FAM135B: variants seen among roughly 807,000 people sequenced by gnomAD.
The protein encoded by FAM135B is family with sequence similarity 135 member B.
In FAM135B, 43 loss-of-function variants were observed where a neutral mutation model predicts 127.7. That is an observed-to-expected ratio of 0.34 (90% confidence interval 0.26 to 0.43). FAM135B has a LOEUF of 0.43. Ranked by LOEUF, FAM135B falls within the 20% of genes least tolerant of loss-of-function variation. The probability of loss-of-function intolerance (pLI) is 1.00; values close to 1 mark genes in which losing one functional copy is unlikely to be tolerated. For synonymous variants in FAM135B, 670 were observed against 665.1 expected (o/e 1.01, Z -0.11); for missense variants, 1,558 against 1,725.6 (o/e 0.90, Z 1.72).
chr8:138,432,787 C>T (rs1029473822), intron 1 of FAM135B, among the ~76,000 whole-genome samples: 24 of 152,094 alleles, frequency 1.6e-4, no homozygotes, highest in African/African-American at 5.3e-4. Flanking sequence ...AGAGTGAACA[C>T]ACAGTACATT....
intron 2 of FAM135B, among the ~76,000 whole-genome samples, chr8:138,345,298 G>A (rs1025380074): frequency 6.6e-6 from 1 of 152,174 alleles, no homozygotes; most frequent in African/African-American, 2.4e-5. Flanking sequence ...CATGGGGGAG[G>A]CTCCTCAAAC....
chr8:138,420,245 C>A (rs1587408244), intron 1 of FAM135B, among the ~76,000 whole-genome samples: 1 of 151,784 alleles, frequency 6.6e-6, no homozygotes. Context: ...AACTAGAAAA[C>A]CTACAAGAAA....
Position 138,214,909 on chromosome 8 carries a change from C to T in FAM135B, c.670-17240G>A, listed in dbSNP as rs180917461. 1.6e-3 allele frequency among the ~76,000 whole-genome samples: 242 copies of T among 152,182 alleles called. 1 individual carries two copies. The highest frequency in any genetic ancestry group is 5.6e-3 in the African/African-American group (234 of 41,524). On this transcript the variant is annotated intron_variant, in intron 7 of 19. Coordinates refer to ENST00000395297, the MANE Select transcript of FAM135B (RefSeq NM_015912.4). ...AATAAGTAAGTTGGGAGTCTGTGCA[C>T]TGTCTGGATAAGAAGGAATTAGGAC...
chr8:138,166,705 A>G (rs964159845), intron 12 of FAM135B, among the ~76,000 whole-genome samples: 1 of 152,224 alleles, frequency 6.6e-6, no homozygotes, highest in Non-Finnish European at 1.5e-5. Flanking sequence ...TCTGAGATAT[A>G]CATACATTTA....
intron 1 of FAM135B, among the ~76,000 whole-genome samples, chr8:138,461,847 T>C (rs1351378453): frequency 6.6e-6 from 1 of 152,210 alleles, no homozygotes; most frequent in African/African-American, 2.4e-5. Context: ...TCAAAAATGC[T>C]GATCTTCTCT....
At position 138,310,777 on chromosome 8, in the gene FAM135B, C is replaced by T. The variant is rs933502018; in HGVS notation, c.157+64G>A. 2.3e-5 allele frequency: 33 copies of T among 1,450,234 alleles called. No homozygotes were observed. In the East Asian group the frequency reaches 2.5e-4, roughly 11 times the overall value. The allele number at this position is 1,450,234 out of a possible 1,614,324, so 89.8% of individuals were successfully genotyped here. On this transcript the variant is annotated intron_variant, in intron 3 of 19. Coordinates refer to ENST00000395297, the MANE Select transcript of FAM135B (RefSeq NM_015912.4). The stretch of plus-strand genomic sequence containing the variant: ...TGCCTTGCACTCTGCTGTGCCCTGG[C>T]GAGCAGTGACAAAGGGAGGTTCGCC...
At chr8:138,307,007 G>A (rs1826312397) in intron 3 of FAM135B, among the ~76,000 whole-genome samples, 4 of 152,216 alleles carry the variant, frequency 2.6e-5, no homozygotes, top group South Asian at 4.2e-4. Flanking sequence ...ATCGTCCATC[G>A]ATGTCCATCT....
At chr8:138,136,210 T>C (rs1381446934) in intron 19 of FAM135B, among the ~76,000 whole-genome samples, 4 of 152,110 alleles carry the variant, frequency 2.6e-5, no homozygotes, top group Non-Finnish European at 4.4e-5. Flanking sequence ...AGGGAAAATT[T>C]GGAATAGACC....
intron 1 of FAM135B, among the ~76,000 whole-genome samples, chr8:138,488,626 G>C (rs903196321): frequency 3.9e-5 from 6 of 151,938 alleles, no homozygotes; most frequent in African/African-American, 1.5e-4. Context: ...CAGATAGTGT[G>C]CGTTTTTGTT....
rs553199929 is a variant in FAM135B at position 138,151,857 on chromosome 8, A to G, written c.2618T>C (p.Val873Ala). ...PDGRTENTPG[V>A]ETKGLNLKIP... The stretch of plus-strand genomic sequence containing the variant: ...TTTTAAATTAAGACCTTTGGTTTCA[A>G]CACCTGGAGTGTTCTCAGTCCTGCC... Residue 873 changes from valine (V) to alanine (A), a missense_variant, in exon 13 of 20, where the codon GTT (valine) becomes GCT (alanine). Around this residue, in one of 5 missense-constraint regions of FAM135B, gnomAD observed 923 missense variants for 865.3 expected, o/e 1.07. Coordinates refer to ENST00000395297, the MANE Select transcript of FAM135B (RefSeq NM_015912.4). The G allele has an allele frequency of 6.2e-7, 1 of 1,614,028 alleles. No individual in the cohort carries two copies. The highest frequency in any genetic ancestry group is 1.3e-5 in the African/African-American group (1 of 75,034).
chr8:138,138,431 C>T (rs1308169772), intron 18 of FAM135B, among the ~76,000 whole-genome samples: 2 of 152,212 alleles, frequency 1.3e-5, no homozygotes, highest in Admixed American at 6.5e-5. Context: ...CTGCTCCACT[C>T]GCCGACTGGA....
intron 11 of FAM135B, among the ~76,000 whole-genome samples, chr8:138,176,869 C>T (rs1054175063): frequency 6.6e-6 from 1 of 152,198 alleles, no homozygotes; most frequent in Non-Finnish European, 1.5e-5. Context: ...CTCTCACTGC[C>T]TTGAGTACCT....
At chr8:138,485,201 T>C (rs1255871205) in intron 1 of FAM135B, among the ~76,000 whole-genome samples, 1 of 152,246 alleles carries the variant, frequency 6.6e-6, no homozygotes, top group Non-Finnish European at 1.5e-5. Flanking sequence ...TTCGATTTTC[T>C]TTTATGACTC....
At chr8:138,309,620 A>G (rs1363319572) in intron 3 of FAM135B, among the ~76,000 whole-genome samples, 3 of 152,134 alleles carry the variant, frequency 2.0e-5, no homozygotes, top group African/African-American at 7.2e-5. Flanking sequence ...GCAGACCACC[A>G]CATCTACTTT....
chr8:138,266,914 A>G (rs1181824216), intron 3 of FAM135B, among the ~76,000 whole-genome samples: 1 of 152,154 alleles, frequency 6.6e-6, no homozygotes, highest in Non-Finnish European at 1.5e-5. Flanking sequence ...GGGAACAACT[A>G]TATGGCATTT....
At chr8:138,198,446 G>A (rs1489162265) in intron 7 of FAM135B, among the ~76,000 whole-genome samples, 1 of 152,208 alleles carries the variant, frequency 6.6e-6, no homozygotes, top group East Asian at 1.9e-4. Context: ...ACAGGTGGCT[G>A]TGGGCTCCTT....
intron 1 of FAM135B, among the ~76,000 whole-genome samples, chr8:138,488,016 A>C (rs1047425693): frequency 2.6e-5 from 4 of 151,780 alleles, no homozygotes; most frequent in Non-Finnish European, 2.9e-5. Flanking sequence ...AAAAAACAAA[A>C]AAAAAAGACG....
At chr8:138,431,069 C>T (rs1056953166) in intron 1 of FAM135B, among the ~76,000 whole-genome samples, 12 of 152,256 alleles carry the variant, frequency 7.9e-5, no homozygotes, top group Non-Finnish European at 4.4e-5. Context: ...ATGAAATTTA[C>T]ATAGAGACAA....
At chr8:138,405,177 G>T (rs1360271859) in intron 1 of FAM135B, among the ~76,000 whole-genome samples, 1 of 151,624 alleles carries the variant, frequency 6.6e-6, no homozygotes, top group African/African-American at 2.4e-5. Flanking sequence ...GGGTGAACAG[G>T]TGCATTTTCA....
Sources: gnomAD v4.1 joint callset for allele counts (sites outside exome capture counted in the v4.1 genomes callset) on GRCh38, gnomAD v4.1.1 for gene constraint, gnomAD v4.1.1 regional missense constraint, MANE v1.5 for transcripts, NCBI Gene and HGNC (gene_info 2026-07-23, HGNC 2026-07-21) for gene names.